Variants in PTGFR observed in about 807,000 individuals in gnomAD.
PTGFR encodes prostaglandin F receptor, also known as prostaglandin F2-alpha receptor.
In PTGFR, 15 loss-of-function variants were observed where a neutral mutation model predicts 26.2. That is an observed-to-expected ratio of 0.57 (90% CI 0.38 to 0.88). The LOEUF (loss-of-function observed/expected upper bound fraction) is 0.88. Ranked by LOEUF, PTGFR falls within the 40% of genes least tolerant of loss-of-function variation. The pLI is 0.00. For synonymous variants in PTGFR, 165 were observed against 151.1 expected, an observed-to-expected ratio of 1.09 and a Z score of -0.68; for missense variants, 369 against 427.2, an observed-to-expected ratio of 0.86 and a Z score of 1.20.
chr1:78,509,616 T>C (rs1486377697), intron 2 of PTGFR, among the ~76,000 whole-genome samples: 1 of 152,232 alleles, frequency 6.6e-6, no homozygotes, highest in Non-Finnish European at 1.5e-5. Context: ...AATGTTTCTA[T>C]AATGGTGGCT....
At chr1:78,521,209 C>A (rs75920638) in intron 2 of PTGFR, among the ~76,000 whole-genome samples, 1 of 152,050 alleles carries the variant, frequency 6.6e-6, no homozygotes, top group South Asian at 2.1e-4. Flanking sequence ...TCCTTTTCCC[C>A]CGATTATGGG....
chr1:78,539,649 T>C lies in PTGFR; in HGVS notation c.*2962T>C, dbSNP rs554181021. 1 of 152,694 alleles carries C rather than the reference T, an allele frequency of 6.5e-6. No homozygotes were observed. Among genetic ancestry groups the C allele is most frequent in the Admixed American group, 6.6e-5 (1 of 15,258 alleles). 9.5% of individuals were successfully genotyped at this position (152,694 alleles called of 1,614,324 possible). ...TATAGAGATTAAATAGTGATATGTATATTTTGTTGTTTGCTTTGGTATGCA... is the reference window on the plus strand; with the variant it reads ...TATAGAGATTAAATAGTGATATGTACATTTTGTTGTTTGCTTTGGTATGCA... On this transcript the variant is annotated 3_prime_UTR_variant, in exon 3 of 3. Transcript: ENST00000370757.
At chr1:78,497,921 A>G in intron 2 of PTGFR, 1 of 1,592,840 alleles carries the variant, frequency 6.3e-7, no homozygotes, top group Non-Finnish European at 8.6e-7. Flanking sequence ...AAGTATATGA[A>G]GAGCAAAGTG....
chr1:78,518,885 G>A (rs914753457), intron 2 of PTGFR, among the ~76,000 whole-genome samples: 2 of 152,068 alleles, frequency 1.3e-5, no homozygotes, highest in African/African-American at 4.8e-5. Flanking sequence ...TTTCTGGGAA[G>A]TAAAAGAGAC....
chr1:78,505,496 A>G (rs1435033385), intron 2 of PTGFR, among the ~76,000 whole-genome samples: 2 of 152,230 alleles, frequency 1.3e-5, no homozygotes, highest in African/African-American at 4.8e-5. Context: ...ACAAGTATAT[A>G]AGAAAGCACT....
At chr1:78,518,912 C>T (rs1242855975) in intron 2 of PTGFR, among the ~76,000 whole-genome samples, 2 of 152,066 alleles carry the variant, frequency 1.3e-5, no homozygotes, top group East Asian at 1.9e-4. Flanking sequence ...CCGTAGCTAA[C>T]CTCAGTGAAT....
At chr1:78,512,862 A>G (rs1650005894) in intron 2 of PTGFR, among the ~76,000 whole-genome samples, 1 of 152,052 alleles carries the variant, frequency 6.6e-6, no homozygotes, top group African/African-American at 2.4e-5. Context: ...CTGGCATGAT[A>G]TCTGGTTGTT....
At chr1:78,501,116 G>A (rs1649694338) in intron 2 of PTGFR, among the ~76,000 whole-genome samples, 1 of 150,176 alleles carries the variant, frequency 6.7e-6, no homozygotes, top group South Asian at 2.1e-4. Flanking sequence ...TCAGAAACAT[G>A]TGTATTAAAT....
chr1:78,503,707 A>G (rs1394379711), intron 2 of PTGFR, among the ~76,000 whole-genome samples: 37 of 152,072 alleles, frequency 2.4e-4, no homozygotes, highest in Admixed American at 2.2e-3. Context: ...CACTTTTACT[A>G]TGGGGTAAAT....
At chr1:78,514,798 G>C (rs1256906413) in intron 2 of PTGFR, among the ~76,000 whole-genome samples, 1 of 152,088 alleles carries the variant, frequency 6.6e-6, no homozygotes, top group Non-Finnish European at 1.5e-5. Context: ...CCAATGCCTT[G>C]GTGATAAGTG....
At chr1:78,504,686 A>G (rs1262955095) in intron 2 of PTGFR, among the ~76,000 whole-genome samples, 1 of 152,060 alleles carries the variant, frequency 6.6e-6, no homozygotes, top group Non-Finnish European at 1.5e-5. Flanking sequence ...AATTTTCCCC[A>G]TTCATCATTT....
chr1:78,504,236 T>A (rs954136495), intron 2 of PTGFR, among the ~76,000 whole-genome samples: 5 of 152,112 alleles, frequency 3.3e-5, no homozygotes, highest in African/African-American at 1.2e-4. Context: ...ATTAAGTTTT[T>A]AAAAAAAATC....
intron 2 of PTGFR, among the ~76,000 whole-genome samples, chr1:78,495,122 C>T (rs1468997913): frequency 1.3e-5 from 2 of 152,060 alleles, no homozygotes; most frequent in African/African-American, 2.4e-5. Context: ...TTGTGTTGTT[C>T]CTGAGTTGGC....
intron 1 of PTGFR, 70 bp from the exon 2 acceptor site, chr1:78,492,602 G>A (rs1246241319): frequency 8.7e-6 from 7 of 803,722 alleles, no homozygotes; most frequent in Non-Finnish European, 1.9e-6. Context: ...CGGGTGCTGG[G>A]GCACGTCAGT....
intron 2 of PTGFR, chr1:78,532,364 T>TTTTATATATATATA (rs533163867): frequency 2.3e-5 from 2 of 85,214 alleles, no homozygotes; most frequent in African/African-American, 4.6e-5. Flanking sequence ...GTAAATTCAT[T>TTTTATATATATATA]TATATATATA....
chr1:78,494,605 T>A (rs1649498514), intron 2 of PTGFR, among the ~76,000 whole-genome samples: 1 of 151,408 alleles, frequency 6.6e-6, no homozygotes, highest in South Asian at 2.1e-4. Context: ...AGGTTTTTTG[T>A]TTGTTTGTTT....
Position 78,539,143 on chromosome 1 carries a change from A to C in PTGFR, c.*2456A>C, listed in dbSNP as rs1243730811. ...ACTGATGGGTTAACTAGGTGAAAGAAATGGGCCCTTATTTTTTTTTTTCCC... is the reference window on the plus strand; with the variant it reads ...ACTGATGGGTTAACTAGGTGAAAGACATGGGCCCTTATTTTTTTTTTTCCC... On this transcript the variant is annotated 3_prime_UTR_variant, in exon 3 of 3. Coordinates refer to ENST00000370757, the MANE Select transcript of PTGFR (RefSeq NM_000959.4). 1.3e-5 allele frequency: 2 copies of C among 152,054 alleles called. No homozygotes were observed. The highest frequency in any genetic ancestry group is 2.9e-5 in the Non-Finnish European group (2 of 67,968). The allele number at this position is 152,054 out of a possible 1,614,324, so 9.4% of individuals were successfully genotyped here.
rs1190392660 is a variant in PTGFR at position 78,538,466 on chromosome 1, G to A, written c.*1779G>A. On this transcript the variant is annotated 3_prime_UTR_variant, in exon 3 of 3. Transcript: ENST00000370757. ...TAGGAGGGTTATCTATGTTATCTGA[G>A]TATATGTTTGGGTAACCAAATTGGT... 1 of 151,130 alleles carries A rather than the reference G, an allele frequency of 6.6e-6. No individual in the cohort carries two copies. Among genetic ancestry groups the A allele is most frequent in the South Asian group, 2.1e-4 (1 of 4,814 alleles). The allele number at this position is 151,130 out of a possible 1,614,324, so 9.4% of individuals were successfully genotyped here. A position where few individuals can be genotyped will look rare whatever the true frequency, so the allele number is the denominator to read the frequency against.
intron 2 of PTGFR, among the ~76,000 whole-genome samples, chr1:78,510,579 C>G (rs1241622144): frequency 6.6e-6 from 1 of 152,184 alleles, no homozygotes; most frequent in East Asian, 1.9e-4. Flanking sequence ...CCACATCCAA[C>G]ACTGGAGATA....
Sources: gnomAD v4.1 joint callset for allele counts (sites outside exome capture counted in the v4.1 genomes callset) on GRCh38, gnomAD v4.1.1 for gene constraint, MANE v1.5 for transcripts, NCBI Gene and HGNC (gene_info 2026-07-23, HGNC 2026-07-21) for gene names.